The following STK10 variants were observed in gnomAD, a reference collection of about 807,000 sequenced individuals.
STK10 encodes serine/threonine kinase 10.
STK10 carries 78 observed loss-of-function variants against 113.8 expected under a neutral mutation model. The observed-to-expected ratio is 0.69, with a 90% CI of 0.57 to 0.83. The LOEUF is 0.83. Among genes scored for constraint, STK10 ranks in the 40% least tolerant of loss-of-function variants. The pLI, the probability that STK10 is intolerant of heterozygous loss-of-function variation, is 0.00. For missense variants in STK10, 1,109 were observed against 1,280.1 expected, an observed-to-expected ratio of 0.87 and a Z score of 2.04; for synonymous variants, 465 against 494.7, an observed-to-expected ratio of 0.94 and a Z score of 0.80.
chr5:172,074,784 C>G (rs575176672), intron 12 of STK10, among the ~76,000 whole-genome samples: 1 of 152,064 alleles, frequency 6.6e-6, no homozygotes, highest in East Asian at 1.9e-4. Context: ...TTTCGGAAAC[C>G]GAAGCAGGCG....
intron 2 of STK10, among the ~76,000 whole-genome samples, chr5:172,149,620 C>T (rs1770167494): frequency 6.6e-6 from 1 of 151,858 alleles, no homozygotes; most frequent in Non-Finnish European, 1.5e-5. Flanking sequence ...AGACCAGGTC[C>T]CCACGGCAAA....
In STK10 at chr5:172,100,080, A is replaced by C. The variant is rs76844966; in HGVS notation, c.871-3520T>G. 9.1e-3 allele frequency among the ~76,000 whole-genome samples: 1,382 copies of C among 152,354 alleles called. 18 individuals are homozygous for C. Among genetic ancestry groups the C allele is most frequent in the African/African-American group, 0.032 (1,326 of 41,584 alleles). ...CCCGTCCTATGGCTGATTAGGCCCAAACACTGTTTTACAGACTGCTCTGGG... is the reference window on the plus strand; with the variant it reads ...CCCGTCCTATGGCTGATTAGGCCCACACACTGTTTTACAGACTGCTCTGGG... On this transcript the variant is annotated intron_variant, in intron 7 of 18. Coordinates refer to ENST00000176763, the MANE Select transcript of STK10 (RefSeq NM_005990.4).
chr5:172,109,121 G>A (rs1769179902), intron 4 of STK10, among the ~76,000 whole-genome samples: 1 of 152,098 alleles, frequency 6.6e-6, no homozygotes, highest in Non-Finnish European at 1.5e-5. Context: ...AAAAGGTTAA[G>A]TGGGGAGAAG....
chr5:172,075,853 G>C (rs1768293841), intron 12 of STK10, among the ~76,000 whole-genome samples: 1 of 152,156 alleles, frequency 6.6e-6, no homozygotes. Context: ...TGCTGGTGAG[G>C]ACCTGGAGCA....
intron 1 of STK10, among the ~76,000 whole-genome samples, chr5:172,173,428 CTG>C (rs1405170043): frequency 1.3e-5 from 2 of 152,212 alleles, no homozygotes; most frequent in Non-Finnish European, 2.9e-5. Flanking sequence ...CCAGACAAGA[CTG>C]TGTGGAGCTT....
intron 7 of STK10, among the ~76,000 whole-genome samples, chr5:172,100,427 A>G (rs1359170375): frequency 1.3e-5 from 2 of 152,100 alleles, no homozygotes; most frequent in Non-Finnish European, 1.5e-5. Flanking sequence ...ACTCAAGCCT[A>G]CTTTTCCTCT....
At chr5:172,167,310 A>G (rs1243472015) in intron 1 of STK10, among the ~76,000 whole-genome samples, 2 of 152,232 alleles carry the variant, frequency 1.3e-5, no homozygotes, top group Non-Finnish European at 2.9e-5. Flanking sequence ...CCCTTAAATG[A>G]TAAACAAGAA....
At chr5:172,144,790 G>T (rs6878645) in intron 2 of STK10, among the ~76,000 whole-genome samples, 2 of 152,246 alleles carry the variant, frequency 1.3e-5, no homozygotes, top group East Asian at 3.9e-4. Flanking sequence ...CCATGGGGCC[G>T]GGTGGAGGGA....
intron 8 of STK10, 124 bp from the exon 9 acceptor site, chr5:172,094,084 G>A (rs1338878934): frequency 7.6e-6 from 5 of 657,526 alleles, no homozygotes; most frequent in Admixed American, 3.8e-5. Context: ...AGAAAGGAGA[G>A]CAGATATCTC....
intron 2 of STK10, among the ~76,000 whole-genome samples, chr5:172,148,595 G>GA (rs1340750029): frequency 6.6e-6 from 1 of 152,242 alleles, no homozygotes; most frequent in African/African-American, 2.4e-5. Flanking sequence ...CTGCCCAAGG[G>GA]AGCAGCTGGA....
intron 2 of STK10, among the ~76,000 whole-genome samples, chr5:172,137,762 G>A (rs929860461): frequency 2.2e-4 from 33 of 150,574 alleles, no homozygotes; most frequent in African/African-American, 4.4e-4. Flanking sequence ...GCGTGGTGGC[G>A]GGCGCCTGTA....
intron 4 of STK10, among the ~76,000 whole-genome samples, chr5:172,113,590 T>C (rs1401862170): frequency 2.0e-5 from 3 of 152,104 alleles, no homozygotes; most frequent in Non-Finnish European, 2.9e-5. Flanking sequence ...GGAAACTGTA[T>C]ATATATATAA....
rs1282530093 is a variant in STK10, at chr5:172,127,489, G to A, written c.322-68C>T. On this transcript the variant is annotated intron_variant, in intron 2 of 18. Coordinates refer to ENST00000176763, the MANE Select transcript of STK10 (RefSeq NM_005990.4). ...CAGCCGTCGAGACGGGAACCCCACAGGCCCATTGGGCAGGGTCCACCCATG... is the reference window on the plus strand; with the variant it reads ...CAGCCGTCGAGACGGGAACCCCACAAGCCCATTGGGCAGGGTCCACCCATG... 6 of 1,556,594 alleles carry A rather than the reference G, an allele frequency of 3.9e-6. No homozygotes were observed. The African/African-American group carries it at 8.1e-5, about 21-fold the overall frequency.
intron 1 of STK10, among the ~76,000 whole-genome samples, chr5:172,177,375 G>A (rs748836382): frequency 3.3e-5 from 5 of 152,180 alleles, no homozygotes; most frequent in South Asian, 2.1e-4. Flanking sequence ...CCAGCCTATG[G>A]TATTTTGTCA....
At position 172,135,855 on chromosome 5, in the gene STK10, T is replaced by C. The variant is rs535808385; in HGVS notation, c.322-8434A>G. 4.0e-5 allele frequency among the ~76,000 whole-genome samples: 6 copies of C among 151,866 alleles called. No individual in the cohort carries two copies. The East Asian group carries it at 1.2e-3, about 30-fold the overall frequency. ...CAGCCTGGCCAACATAGAGAAACCCTGTCTCTACTAAAAATACAAAAATTT... is the reference window on the plus strand; with the variant it reads ...CAGCCTGGCCAACATAGAGAAACCCCGTCTCTACTAAAAATACAAAAATTT... On this transcript the variant is annotated intron_variant, in intron 2 of 18. Transcript: ENST00000176763.
chr5:172,143,940 G>A (rs995461534), intron 2 of STK10, among the ~76,000 whole-genome samples: 1 of 152,218 alleles, frequency 6.6e-6, no homozygotes, highest in Admixed American at 6.5e-5. Context: ...TAACAGAGAT[G>A]ACAGCCAGAT....
rs373688986 is a variant in STK10, at chr5:172,093,970, T to C, written c.1006-10A>G. ...TATGGTTCTCCAGGGTCTAGAAAAA[T>C]ATATATATATATATTAAAGGCCATG... On this transcript the variant is annotated splice_polypyrimidine_tract_variant and intron_variant, in intron 8 of 18. Transcript: ENST00000176763. The surrounding 1 kb of genome is among the most constrained non-coding windows in gnomAD (Gnocchi z 4.1). 8.7e-7 allele frequency: 1 copy of C among 1,144,958 alleles called. No individual in the cohort carries two copies. Among genetic ancestry groups the C allele is most frequent in the African/African-American group, 1.6e-5 (1 of 62,526 alleles). 70.9% of individuals were successfully genotyped at this position (1,144,958 alleles called of 1,614,324 possible).
chr5:172,051,114 C>T (rs1047526020), intron 18 of STK10, among the ~76,000 whole-genome samples: 2 of 151,924 alleles, frequency 1.3e-5, no homozygotes, highest in African/African-American at 2.4e-5. Context: ...TGGTCTTTCT[C>T]GCACTTGGAT....
chr5:172,045,466 G>A (rs760350426), intron 18 of STK10: 7 of 454,040 alleles, frequency 1.5e-5, no homozygotes, highest in African/African-American at 1.0e-4. Flanking sequence ...CTTGGGCGAC[G>A]GTGCGAGACT....
Sources: gnomAD v4.1 joint callset for allele counts (sites outside exome capture counted in the v4.1 genomes callset) on GRCh38, gnomAD v4.1.1 for gene constraint, Gnocchi (gnomAD v3.1) non-coding constraint, MANE v1.5 for transcripts, NCBI Gene and HGNC (gene_info 2026-07-23, HGNC 2026-07-21) for gene names.